Variants in GUCY1B1 observed in about 807,000 individuals in gnomAD.
The protein encoded by GUCY1B1 is guanylate cyclase 1 soluble subunit beta 1.
In GUCY1B1, 43 loss-of-function variants were observed where a neutral mutation model predicts 71.0. That is an observed-to-expected ratio of 0.61 (90% CI 0.47 to 0.78). The LOEUF (loss-of-function observed/expected upper bound fraction) is 0.78, where lower values mean the gene tolerates loss of function less well. Ranked by LOEUF, GUCY1B1 falls within the 30% of genes least tolerant of loss-of-function variation. The pLI is 0.00. For synonymous variants in GUCY1B1, 266 were observed against 259.7 expected (o/e 1.02, Z -0.23); for missense variants, 535 against 754.1 (o/e 0.71, Z 3.40).
rs750086474 is a variant in GUCY1B1, at chr4:155,799,864, C to T, written c.978-13C>T. 7.7e-6 allele frequency: 12 copies of T among 1,556,170 alleles called. No homozygotes were observed. The highest frequency in any genetic ancestry group is 1.1e-5 in the Non-Finnish European group (12 of 1,135,082). ...AGTTGAGACTGATCTTGCCTCATTT[C>T]TCCATATGACAGTGTCATGAACCTG... On this transcript the variant is annotated splice_polypyrimidine_tract_variant and intron_variant, in intron 8 of 13. Coordinates refer to ENST00000264424, the MANE Select transcript of GUCY1B1 (RefSeq NM_000857.5).
At chr4:155,787,190 T>C (rs1738855804) in intron 4 of GUCY1B1, among the ~76,000 whole-genome samples, 2 of 152,214 alleles carry the variant, frequency 1.3e-5, no homozygotes, top group Admixed American at 1.3e-4. Flanking sequence ...GAAGAACCTC[T>C]CATACTATTC....
intron 1 of GUCY1B1, chr4:155,759,558 G>T: frequency 1.9e-6 from 1 of 537,834 alleles, no homozygotes. Flanking sequence ...AGGGTGGGAA[G>T]ATAGCGTGGG....
At position 155,786,469 on chromosome 4, in the gene GUCY1B1, T is replaced by TC. The variant is rs1415740997; in HGVS notation, c.298-3245_298-3244insC. Among the ~76,000 whole-genome samples, 415 of 110,664 alleles carry TC rather than the reference T, an allele frequency of 3.8e-3. 6 individuals are homozygous for TC. Among genetic ancestry groups the TC allele is most frequent in the African/African-American group, 0.014 (401 of 28,702 alleles). 72.6% of individuals were successfully genotyped at this position (110,664 alleles called of 152,430 possible). A position where few individuals can be genotyped will look rare whatever the true frequency, so the allele number is the denominator to read the frequency against. On this transcript the variant is annotated intron_variant, in intron 4 of 13. Coordinates refer to ENST00000264424, the MANE Select transcript of GUCY1B1 (RefSeq NM_000857.5). ...TTGTATTTTCTTTCTTTCTTTTTTTTTTTTTTTTTTTTTTTTTTGAGATGG... is the reference window on the plus strand; with the variant it reads ...TTGTATTTTCTTTCTTTCTTTTTTTTCTTTTTTTTTTTTTTTTTTGAGATGG...
chr4:155,786,271 C>CTTTTT lies in GUCY1B1; in HGVS notation c.298-3427_298-3423dup, dbSNP rs33996424. 6.5e-5 allele frequency among the ~76,000 whole-genome samples: 8 copies of CTTTTT among 123,796 alleles called. 1 individual carries two copies. The highest frequency in any genetic ancestry group is 9.8e-5 in the African/African-American group (3 of 30,702). 81.2% of individuals were successfully genotyped at this position (123,796 alleles called of 152,430 possible). A position where few individuals can be genotyped will look rare whatever the true frequency, so the allele number is the denominator to read the frequency against. Reference sequence around the variant, plus strand: ...TGAAGTTATTGTTTGGTTCAATTTCCTTTTTTTTTTTTTTTTTTTTGAGGC... The same window carrying CTTTTT: ...TGAAGTTATTGTTTGGTTCAATTTCCTTTTTTTTTTTTTTTTTTTTTTTTTGAGGC... On this transcript the variant is annotated intron_variant, in intron 4 of 13. Transcript: ENST00000264424.
At chr4:155,775,243 A>AT (rs1737961905) in intron 3 of GUCY1B1, among the ~76,000 whole-genome samples, 175 bp downstream of exon 3, 1 of 152,158 alleles carries the variant, frequency 6.6e-6, no homozygotes, top group Non-Finnish European at 1.5e-5. Context: ...GCCAAGTCTT[A>AT]TTTTTCCTTT....
At chr4:155,795,970 A>G (rs34982704) in intron 7 of GUCY1B1, among the ~76,000 whole-genome samples, 2,811 of 152,276 alleles carry the variant, frequency 0.018, 41 homozygotes, top group South Asian at 0.042. Context: ...TAGAGTACCC[A>G]TTGAATCCTT....
At position 155,777,573 on chromosome 4, in the gene GUCY1B1, C is replaced by T. The variant is rs780752545; in HGVS notation, c.228C>T (p.Val76=). Residue 76 remains valine, a synonymous_variant, in exon 4 of 14, where the codon GTC becomes GTT. Coordinates refer to ENST00000264424, the MANE Select transcript of GUCY1B1 (RefSeq NM_000857.5). Reference sequence around the variant, plus strand: ...AAATGTTTGGGAAGATGTTTTTCGTCTTTTGCCAAGAATCTGGTTATGATA... The same window carrying T: ...AAATGTTTGGGAAGATGTTTTTCGTTTTTTGCCAAGAATCTGGTTATGATA... ...ILQMFGKMFF[V]FCQESGYDTI... is the part of the protein sequence containing the mutation. 2.5e-6 allele frequency: 4 copies of T among 1,610,876 alleles called. No homozygotes were observed.
chr4:155,769,027 A>C (rs928562711), intron 2 of GUCY1B1, among the ~76,000 whole-genome samples: 6 of 152,058 alleles, frequency 3.9e-5, no homozygotes, highest in Admixed American at 3.3e-4. Flanking sequence ...CTCTTCTTCC[A>C]CTTGCCATTT....
chr4:155,805,118 A>G lies in GUCY1B1; in HGVS notation c.1725A>G (p.Pro575=). The G allele has an allele frequency of 6.2e-7, 1 of 1,612,088 alleles. No individual in the cohort carries two copies. Among genetic ancestry groups the G allele is most frequent in the Non-Finnish European group, 8.5e-7 (1 of 1,178,562 alleles). The change falls in exon 13 of 14, where the codon CCA becomes CCG. Residue 575 remains proline, a synonymous_variant. Coordinates refer to ENST00000264424, the MANE Select transcript of GUCY1B1 (RefSeq NM_000857.5). The part of the protein sequence containing the change: ...SEYTYRCLMS[P]ENSDPQFHLE... ...TGTCTTTTAGATGTCTTATGTCTCC[A>G]GAAAATTCAGATCCACAATTCCACT...
chr4:155,759,394 G>T (rs1357142483), intron 1 of GUCY1B1: 1 of 545,632 alleles, frequency 1.8e-6, no homozygotes. Flanking sequence ...CCTGAGCTCG[G>T]GAAGGGGAGG....
chr4:155,786,770 G>T (rs568669009), intron 4 of GUCY1B1, among the ~76,000 whole-genome samples: 1 of 151,686 alleles, frequency 6.6e-6, no homozygotes, highest in South Asian at 2.1e-4. Context: ...ACCGCGCCTG[G>T]CCAATTTTTG....
intron 2 of GUCY1B1, among the ~76,000 whole-genome samples, chr4:155,773,777 C>T (rs1002060668): frequency 1.3e-5 from 2 of 152,132 alleles, no homozygotes; most frequent in African/African-American, 2.4e-5. Context: ...CTTACCTGCT[C>T]CACGGGTTCA....
At chr4:155,804,226 T>C (rs1486879883) in intron 11 of GUCY1B1, among the ~76,000 whole-genome samples, 1 of 152,066 alleles carries the variant, frequency 6.6e-6, no homozygotes, top group Non-Finnish European at 1.5e-5. Context: ...CATTATTCTG[T>C]AATATAAAGT....
intron 4 of GUCY1B1, among the ~76,000 whole-genome samples, chr4:155,786,659 G>C (rs1234904473): frequency 6.6e-6 from 1 of 151,534 alleles, no homozygotes; most frequent in Non-Finnish European, 1.5e-5. Context: ...TCTCTTAGTA[G>C]AGACGGGGTT....
At chr4:155,780,742 A>ATT (rs3839145) in intron 4 of GUCY1B1, among the ~76,000 whole-genome samples, 8 of 151,916 alleles carry the variant, frequency 5.3e-5, no homozygotes, top group Non-Finnish European at 5.9e-5. Context: ...AGATCCTGTA[A>ATT]TTTTTTTTAC....
chr4:155,784,187 G>A (rs192532535), intron 4 of GUCY1B1, among the ~76,000 whole-genome samples: 147 of 152,182 alleles, frequency 9.7e-4, no homozygotes, highest in Non-Finnish European at 1.9e-4. Context: ...TAATTTTAGT[G>A]ACTCTGGTAC....
chr4:155,781,737 C>T (rs530667911), intron 4 of GUCY1B1, among the ~76,000 whole-genome samples: 15 of 152,008 alleles, frequency 9.9e-5, no homozygotes, highest in African/African-American at 3.1e-4. Context: ...CTCCTCTTCT[C>T]TAGGCATTTC....
chr4:155,805,184 A>G lies in GUCY1B1; in HGVS notation c.1791A>G (p.Glu597=). ...RGPVSMKGKK[E]PMQVWFLSRK... ...CAGTGTCCATGAAGGGCAAAAAAGA[A>G]CCAATGCAAGTTTGGTTTCTATCCA... The change falls in exon 13 of 14, where the codon GAA becomes GAG. Residue 597 remains glutamate (E), a synonymous_variant. Transcript: ENST00000264424. 6.2e-7 allele frequency: 1 copy of G among 1,612,024 alleles called. No homozygotes were observed. Among genetic ancestry groups the G allele is most frequent in the Non-Finnish European group, 8.5e-7 (1 of 1,178,732 alleles).
In GUCY1B1 at chr4:155,759,065, G is replaced by GCTGCCGCCT; in HGVS notation, c.-70_-62dup. On this transcript the variant is annotated 5_prime_UTR_variant, in exon 1 of 14. Coordinates refer to ENST00000264424, the MANE Select transcript of GUCY1B1 (RefSeq NM_000857.5). ...TCCCCGGCCCGGTTGCGCTGTAGCC[G>GCTGCCGCCT]CTGCCGCCTCTGCCTGGGTCCCTTC... 1 of 1,494,704 alleles carries GCTGCCGCCT rather than the reference G, an allele frequency of 6.7e-7. No individual in the cohort carries two copies. The highest frequency in any genetic ancestry group is 9.1e-7 in the Non-Finnish European group (1 of 1,096,106). The allele number at this position is 1,494,704 out of a possible 1,614,324, so 92.6% of individuals were successfully genotyped here. A position where few individuals can be genotyped will look rare whatever the true frequency, so the allele number is the denominator to read the frequency against.
Sources: allele counts gnomAD v4.1 joint callset (sites outside exome capture counted in the v4.1 genomes callset), GRCh38; gene constraint gnomAD v4.1.1; transcripts MANE v1.5; gene names NCBI Gene and HGNC (gene_info 2026-07-23, HGNC 2026-07-21).